KDM4C: variants seen among roughly 807,000 people sequenced by gnomAD.
KDM4C encodes lysine-specific demethylase 4C.
KDM4C carries 81 observed loss-of-function variants against 129.3 expected under a neutral mutation model. That is an observed-to-expected ratio of 0.63 (90% confidence interval 0.52 to 0.75). The LOEUF (loss-of-function observed/expected upper bound fraction) is 0.75. Ranked by LOEUF, KDM4C falls within the 30% of genes least tolerant of loss-of-function variation. KDM4C has a pLI of 0.00. For missense variants in KDM4C, 1,457 were observed against 1,304.0 expected (o/e 1.12, Z -1.81); for synonymous variants, 573 against 456.1 (o/e 1.26, Z -3.26).
intron 7 of KDM4C, 63 bp downstream of exon 7, chr9:6,888,126 A>G: frequency 1.2e-6 from 1 of 838,638 alleles, no homozygotes; most frequent in South Asian, 2.0e-5. Flanking sequence ...TTTAAGAAGT[A>G]ATGTATCTTT....
chr9:7,161,321 C>T (rs7038401), intron 19 of KDM4C, among the ~76,000 whole-genome samples: 3,434 of 152,210 alleles, frequency 0.023, 100 homozygotes, highest in African/African-American at 0.079. Context: ...TTCAGCTTGC[C>T]CTCTGTGGGC....
intron 8 of KDM4C, among the ~76,000 whole-genome samples, chr9:6,956,585 G>A (rs1829104577): frequency 6.6e-6 from 1 of 152,172 alleles, no homozygotes; most frequent in Admixed American, 6.5e-5. Flanking sequence ...ACACAGCCAT[G>A]CTCATTTGTT....
Position 7,037,665 on chromosome 9 carries a change from G to A in KDM4C, c.2260-9197G>A, listed in dbSNP as rs370379907. 3.6e-4 allele frequency among the ~76,000 whole-genome samples: 55 copies of A among 152,046 alleles called. 1 individual carries two copies. Among genetic ancestry groups the A allele is most frequent in the African/African-American group, 1.3e-3 (53 of 41,504 alleles). ...TAGGTGAGCGAAAGGGACCTCATCA[G>A]GAAAAGTACAAAACTGTTCAGAATA... On this transcript the variant is annotated intron_variant, in intron 15 of 21. Coordinates refer to ENST00000381309, the MANE Select transcript of KDM4C (RefSeq NM_015061.6).
chr9:7,146,749 CGA>C (rs1842251279), intron 19 of KDM4C, among the ~76,000 whole-genome samples: 1 of 152,172 alleles, frequency 6.6e-6, no homozygotes, highest in African/African-American at 2.4e-5. Context: ...TGGCCTCAGG[CGA>C]GTCACTCTTC....
At chr9:6,839,804 A>T (rs1353230066) in intron 4 of KDM4C, among the ~76,000 whole-genome samples, 1 of 151,986 alleles carries the variant, frequency 6.6e-6, no homozygotes, top group African/African-American at 2.4e-5. Flanking sequence ...CAGGAGACTG[A>T]GGTCAGGAGA....
intron 1 of KDM4C, among the ~76,000 whole-genome samples, chr9:6,791,415 A>G (rs566923324): frequency 6.6e-6 from 1 of 152,258 alleles, no homozygotes; most frequent in African/African-American, 2.4e-5. Flanking sequence ...CCTTGTGTAC[A>G]TTTTTATATT....
intron 5 of KDM4C, among the ~76,000 whole-genome samples, chr9:6,867,845 T>C (rs1330987901): frequency 6.6e-6 from 1 of 152,126 alleles, no homozygotes; most frequent in Admixed American, 6.6e-5. Context: ...ACTTCCCCAC[T>C]GTCTTTTATT....
intron 8 of KDM4C, among the ~76,000 whole-genome samples, chr9:6,961,513 CATT>C (rs1323631744): frequency 1.3e-5 from 2 of 152,140 alleles, no homozygotes; most frequent in African/African-American, 4.8e-5. Flanking sequence ...AAGAAGGTAA[CATT>C]GTAACTATTT....
intron 4 of KDM4C, chr9:6,835,615 C>G (rs1835739002): frequency 1.2e-6 from 1 of 840,414 alleles, no homozygotes; most frequent in South Asian, 1.3e-5. Context: ...CCTTTCTTGA[C>G]AAAACCTGAC....
intron 19 of KDM4C, among the ~76,000 whole-genome samples, chr9:7,162,217 C>G (rs1302096894): frequency 1.3e-5 from 2 of 152,094 alleles, no homozygotes; most frequent in Non-Finnish European, 2.9e-5. Context: ...TATTTTTCTT[C>G]TTCTATAAGT....
chr9:6,860,686 G>C (rs1284649897), intron 5 of KDM4C, among the ~76,000 whole-genome samples: 2 of 152,160 alleles, frequency 1.3e-5, no homozygotes, highest in Non-Finnish European at 2.9e-5. Flanking sequence ...AGCTTCTGAA[G>C]GCTGTAACAC....
intron 15 of KDM4C, among the ~76,000 whole-genome samples, chr9:7,039,814 G>A (rs923906372): frequency 6.6e-6 from 1 of 152,052 alleles, no homozygotes; most frequent in Non-Finnish European, 1.5e-5. Flanking sequence ...AAGAGGATGA[G>A]GGGTTGGCCC....
chr9:7,060,451 GTTGTTATTATTATTATTA>G (rs200339391), intron 17 of KDM4C, among the ~76,000 whole-genome samples: 2,569 of 138,268 alleles, frequency 0.019, 77 homozygotes, highest in African/African-American at 0.049. Context: ...TAGCAGTATT[GTTGTTATTATTATTATTA>G]TTATTATTAT....
At position 6,849,701 on chromosome 9, in the gene KDM4C, G is replaced by T; in HGVS notation, c.629+1G>T. On this transcript the variant is annotated splice_donor_variant, in intron 5 of 21. Transcript: ENST00000381309. LOFTEE classifies it high-confidence loss of function. Reference sequence around the variant, plus strand: ...TCCACTTTGGAGAGCCCAAGTCTTGGCAAGTTACTTGTTTAATATTCATTT... The same window carrying T: ...TCCACTTTGGAGAGCCCAAGTCTTGTCAAGTTACTTGTTTAATATTCATTT... 1 of 1,541,222 alleles carries T rather than the reference G, an allele frequency of 6.5e-7. No individual in the cohort carries two copies. The highest frequency in any genetic ancestry group is 1.3e-5 in the South Asian group (1 of 79,586).
intron 8 of KDM4C, among the ~76,000 whole-genome samples, chr9:6,976,015 G>C (rs1007432035): frequency 6.6e-6 from 1 of 152,224 alleles, no homozygotes; most frequent in South Asian, 2.1e-4. Flanking sequence ...TCCAGCCTGG[G>C]TGACAAAGTG....
chr9:6,807,905 C>CCCCGCCCGG (rs1830376409), intron 3 of KDM4C, among the ~76,000 whole-genome samples: 3 of 140,142 alleles, frequency 2.1e-5, no homozygotes, highest in Admixed American at 2.1e-4. Context: ...GGTGTCAGCC[C>CCCCGCCCGG]CCAGCCCGGC....
intron 1 of KDM4C, among the ~76,000 whole-genome samples, chr9:6,764,045 C>T (rs962307979): frequency 3.9e-5 from 6 of 152,186 alleles, no homozygotes; most frequent in African/African-American, 1.4e-4. Flanking sequence ...AGGAATGAGC[C>T]ACCGCTCCCA....
intron 17 of KDM4C, among the ~76,000 whole-genome samples, chr9:7,098,753 G>C (rs936964042): frequency 2.6e-5 from 4 of 151,996 alleles, no homozygotes; most frequent in Non-Finnish European, 5.9e-5. Flanking sequence ...CTCTCAAATG[G>C]CAGTTGTTCC....
intron 19 of KDM4C, among the ~76,000 whole-genome samples, chr9:7,160,919 G>C (rs1201644095): frequency 6.6e-6 from 1 of 152,216 alleles, no homozygotes; most frequent in Non-Finnish European, 1.5e-5. Context: ...CTTTTGTTCA[G>C]CTATGCCCTG....
Sources: gnomAD v4.1 joint callset for allele counts (sites outside exome capture counted in the v4.1 genomes callset) on GRCh38, gnomAD v4.1.1 for gene constraint, MANE v1.5 for transcripts, NCBI Gene and HGNC (gene_info 2026-07-23, HGNC 2026-07-21) for gene names.